Variants in CEP83 observed in about 807,000 individuals in gnomAD.
CEP83 encodes the protein centrosomal protein 83, also known as centrosomal protein of 83 kDa.
Under a neutral mutation model 101.9 loss-of-function variants are expected in CEP83, and 70 were observed. The observed-to-expected ratio is 0.69, with a 90% CI of 0.57 to 0.84. CEP83 has a LOEUF of 0.84. Ranked by LOEUF, CEP83 falls within the 40% of genes least tolerant of loss-of-function variation. The pLI is 0.00. For synonymous variants in CEP83, 264 were observed against 267.9 expected (o/e 0.99, Z 0.14); for missense variants, 715 against 787.2 (o/e 0.91, Z 1.10).
At chr12:94,278,345 C>T in the CEP83 span, among the ~76,000 whole-genome samples, 23 of 152,194 alleles carry the variant, frequency 1.5e-4, no homozygotes, top group Non-Finnish European at 2.8e-4. Flanking sequence ...AATCAATTCC[C>T]GTGAGGGTAC....
chr12:94,352,373 T>C (rs1161140999), intron 11 of CEP83, among the ~76,000 whole-genome samples: 2 of 150,810 alleles, frequency 1.3e-5, no homozygotes, highest in East Asian at 1.9e-4. Flanking sequence ...TGAGCCAAGA[T>C]TGTGCCACTG....
chr12:94,280,054 C>T, the CEP83 span: 3 of 347,254 alleles, frequency 8.6e-6, no homozygotes, highest in African/African-American at 4.3e-5. Flanking sequence ...CGTGTCATTA[C>T]TGGGTGGCTC....
intron 11 of CEP83, among the ~76,000 whole-genome samples, chr12:94,352,774 G>T (rs767374448): frequency 6.6e-6 from 1 of 152,092 alleles, no homozygotes; most frequent in Non-Finnish European, 1.5e-5. Flanking sequence ...ATTAAGACAG[G>T]TCTTTTAAAA....
At chr12:94,351,641 G>A (rs2060201175) in intron 11 of CEP83, among the ~76,000 whole-genome samples, 1 of 152,146 alleles carries the variant, frequency 6.6e-6, no homozygotes, top group Non-Finnish European at 1.5e-5. Context: ...ACTGGTGCAT[G>A]CAGTCCCTAG....
the CEP83 span, among the ~76,000 whole-genome samples, chr12:94,285,870 C>A: frequency 6.6e-6 from 1 of 152,172 alleles, no homozygotes; most frequent in African/African-American, 2.4e-5. Flanking sequence ...TCTTGTCTTG[C>A]TCAGCTGTGC....
chr12:94,333,706 A>G (rs2059335924), intron 12 of CEP83, 67 bp from the exon 13 acceptor site: 10 of 1,480,436 alleles, frequency 6.8e-6, no homozygotes, highest in Non-Finnish European at 9.3e-6. Context: ...TGAGAGAAGC[A>G]GAAGATACTA....
chr12:94,300,060 CA>C, the CEP83 span, among the ~76,000 whole-genome samples: 1 of 152,176 alleles, frequency 6.6e-6, no homozygotes, highest in African/African-American at 2.4e-5. Context: ...GACTTTGAAC[CA>C]GTCCCAAGTT....
At chr12:94,424,556 T>C in intron 2 of CEP83, 2 of 1,613,666 alleles carry the variant, frequency 1.2e-6, no homozygotes, top group Admixed American at 1.7e-5. Flanking sequence ...GTTTGAGATG[T>C]ATAAATTTGT....
intron 1 of CEP83, among the ~76,000 whole-genome samples, chr12:94,455,818 G>A (rs559705566): frequency 9.9e-5 from 15 of 152,230 alleles, no homozygotes; most frequent in African/African-American, 3.6e-4. Flanking sequence ...GCCAAGGTGG[G>A]TGAATCACTT....
At chr12:94,371,720 A>G (rs17022417) in intron 8 of CEP83, among the ~76,000 whole-genome samples, 24,688 of 152,126 alleles carry the variant, frequency 0.16, 2,150 homozygotes, top group African/African-American at 0.22. Flanking sequence ...AAATCAAAAA[A>G]AGGTCCTAGA....
the CEP83 span, among the ~76,000 whole-genome samples, chr12:94,270,280 T>G: frequency 8.6e-4 from 131 of 152,356 alleles, no homozygotes; most frequent in African/African-American, 3.1e-3. Context: ...TTTATAAAGT[T>G]CTATTGGAAC....
intron 6 of CEP83, among the ~76,000 whole-genome samples, chr12:94,383,691 CTG>C (rs1433199719): frequency 6.6e-6 from 1 of 151,986 alleles, no homozygotes; most frequent in African/African-American, 2.4e-5. Flanking sequence ...CTTAGTTTCT[CTG>C]TTTTCTTTTT....
downstream of CEP83, among the ~76,000 whole-genome samples, chr12:94,303,045 ACCTAT>A (rs778998936): frequency 5.3e-5 from 8 of 152,342 alleles, no homozygotes; most frequent in South Asian, 4.1e-4. Context: ...TCATTAACTT[ACCTAT>A]CTTCCCTGAG....
intron 2 of CEP83, among the ~76,000 whole-genome samples, chr12:94,433,002 G>C (rs892555132): frequency 1.3e-5 from 2 of 152,194 alleles, no homozygotes; most frequent in Non-Finnish European, 2.9e-5. Context: ...CAAAGCAGCA[G>C]CTAAAATTAA....
rs2059234849 is a variant in CEP83, at chr12:94,331,758, T to C, written c.1649A>G (p.Glu550Gly). The change falls in exon 14 of 17, where the codon GAA (glutamate) becomes GGA (glycine). Residue 550 changes from glutamate to glycine, a missense_variant. Transcript: ENST00000397809. ...HKLHERITDREEKYNQAKEKL... is the reference protein window; with the variant it reads ...HKLHERITDRGEKYNQAKEKL... ...CTCCTTAGCTTGATTGTACTTTTCT[T>C]CTCTGTCTGTGATACGCTCATGAAG... 1.2e-6 allele frequency: 2 copies of C among 1,613,928 alleles called. No individual in the cohort carries two copies. The highest frequency in any genetic ancestry group is 1.7e-6 in the Non-Finnish European group (2 of 1,179,906).
chr12:94,458,271 A>AT (rs2067846688), intron 1 of CEP83, among the ~76,000 whole-genome samples: 2 of 152,186 alleles, frequency 1.3e-5, no homozygotes, highest in African/African-American at 4.8e-5. Context: ...GGAATTCTAA[A>AT]TTGTATTTCA....
At chr12:94,343,928 T>C (rs1047175542) in intron 11 of CEP83, among the ~76,000 whole-genome samples, 1 of 152,210 alleles carries the variant, frequency 6.6e-6, no homozygotes, top group African/African-American at 2.4e-5. Context: ...TAAAGTCATA[T>C]GGGTGGGCCC....
chr12:94,288,386 C>T, the CEP83 span, among the ~76,000 whole-genome samples: 3 of 152,166 alleles, frequency 2.0e-5, no homozygotes, highest in African/African-American at 4.8e-5. Context: ...TTCAGGTCTT[C>T]GCAGTTTCCC....
At chr12:94,276,503 C>T in the CEP83 span, among the ~76,000 whole-genome samples, 2 of 152,040 alleles carry the variant, frequency 1.3e-5, no homozygotes, top group East Asian at 1.9e-4. Flanking sequence ...GGTGGTAAAG[C>T]GGGGATGGCA....
Sources: gnomAD v4.1 joint callset for allele counts (sites outside exome capture counted in the v4.1 genomes callset) on GRCh38, gnomAD v4.1.1 for gene constraint, MANE v1.5 for transcripts, NCBI Gene and HGNC (gene_info 2026-07-23, HGNC 2026-07-21) for gene names.